OSBPL3: variants seen among roughly 807,000 people sequenced by gnomAD.
OSBPL3 encodes oxysterol-binding protein-related protein 3.
A neutral mutation model predicts 120.1 loss-of-function variants in OSBPL3; 65 were observed. The observed-to-expected ratio is 0.54, with a 90% CI of 0.44 to 0.67. The LOEUF is 0.67. Ranked by LOEUF, OSBPL3 falls within the 30% of genes least tolerant of loss-of-function variation. The pLI, the probability that OSBPL3 is intolerant of heterozygous loss-of-function variation, is 0.00. For synonymous variants in OSBPL3, 416 were observed against 402.6 expected (o/e 1.03, Z -0.40); for missense variants, 1,004 against 1,082.1 (o/e 0.93, Z 1.01).
intron 1 of OSBPL3, among the ~76,000 whole-genome samples, chr7:24,979,289 C>CAAA (rs34525401): frequency 1.8e-3 from 270 of 148,172 alleles, no homozygotes; most frequent in African/African-American, 5.9e-3. Flanking sequence ...TGGAAACTAA[C>CAAA]AAAAAAAAAA....
chr7:24,866,328 T>G lies in OSBPL3; in HGVS notation c.382-91A>C, dbSNP rs191260919. The G allele has an allele frequency of 2.7e-4, 260 of 965,106 alleles. No individual in the cohort carries two copies. The African/African-American group carries it at 4.1e-3, about 15-fold the overall frequency. The allele number at this position is 965,106 out of a possible 1,614,324, so 59.8% of individuals were successfully genotyped here. ...CAAATTGAGGCCACTCTCAAAATCC[T>G]CTTTTTCAGTTGGCACGTAATTTCA... On this transcript the variant is annotated intron_variant, in intron 5 of 22. Coordinates refer to ENST00000313367, the MANE Select transcript of OSBPL3 (RefSeq NM_015550.4).
chr7:24,916,554 T>C lies in OSBPL3; in HGVS notation c.-149-23933A>G, dbSNP rs757155. ...GTTCACCTGATCTGTGTTTCTCTTATTTCCCCCAACACTCCCCAACCTCAG... is the reference window on the plus strand; with the variant it reads ...GTTCACCTGATCTGTGTTTCTCTTACTTCCCCCAACACTCCCCAACCTCAG... On this transcript the variant is annotated intron_variant, in intron 1 of 22. Coordinates refer to ENST00000313367, the MANE Select transcript of OSBPL3 (RefSeq NM_015550.4). The surrounding 1 kb of genome is among the most constrained non-coding windows in gnomAD (Gnocchi z 4.9). Among the ~76,000 whole-genome samples, 33,413 of 151,902 alleles carry C rather than the reference T, an allele frequency of 0.22. 4,019 individuals are homozygous for C. Among genetic ancestry groups the C allele is most frequent in the East Asian group, 0.36 (1,831 of 5,152 alleles).
At position 24,900,319 on chromosome 7, in the gene OSBPL3, T is replaced by C. The variant is rs900832878; in HGVS notation, c.-149-7698A>G. Among the ~76,000 whole-genome samples the C allele has an allele frequency of 7.9e-5, 12 of 152,242 alleles. No homozygotes were observed. Among genetic ancestry groups the C allele is most frequent in the Admixed American group, 7.8e-4 (12 of 15,288 alleles). ...AGCAGGTCCTCGAGTAATGTTGTTTTATTTAACTTTGTTATTTAGAAGTTT... is the reference window on the plus strand; with the variant it reads ...AGCAGGTCCTCGAGTAATGTTGTTTCATTTAACTTTGTTATTTAGAAGTTT... On this transcript the variant is annotated intron_variant, in intron 1 of 22. Coordinates refer to ENST00000313367, the MANE Select transcript of OSBPL3 (RefSeq NM_015550.4). This position sits in a 1 kb window ranked among gnomAD's most constrained non-coding sequence, Gnocchi z 4.5.
intron 14 of OSBPL3, among the ~76,000 whole-genome samples, chr7:24,837,489 C>A (rs1797153741): frequency 6.6e-6 from 1 of 152,168 alleles, no homozygotes; most frequent in Non-Finnish European, 1.5e-5. Flanking sequence ...TAGGTGTGAG[C>A]CACTGTGCCT....
intron 1 of OSBPL3, among the ~76,000 whole-genome samples, chr7:24,924,271 A>C (rs1032293750): frequency 3.3e-5 from 5 of 152,212 alleles, no homozygotes; most frequent in African/African-American, 1.2e-4. Flanking sequence ...CCACAAGAAA[A>C]TACCGAGGGA....
intron 1 of OSBPL3, among the ~76,000 whole-genome samples, chr7:24,911,165 A>G (rs1288080809): frequency 3.9e-5 from 6 of 152,340 alleles, no homozygotes; most frequent in Middle Eastern, 3.4e-3. Flanking sequence ...CATCCAATTT[A>G]TACCAAATTG....
chr7:24,831,483 G>C lies in OSBPL3; in HGVS notation c.1747-578C>G, dbSNP rs570503932. Among the ~76,000 whole-genome samples, 2 of 150,726 alleles carry C rather than the reference G, an allele frequency of 1.3e-5. No homozygotes were observed. Among genetic ancestry groups the C allele is most frequent in the Non-Finnish European group, 3.0e-5 (2 of 67,134 alleles). On this transcript the variant is annotated intron_variant, in intron 15 of 22. Transcript: ENST00000313367. This position sits in a 1 kb window ranked among gnomAD's most constrained non-coding sequence, Gnocchi z 4.0. ...AAGTTCTGCTTTTTTGGGAGGAAAA[G>C]TGAAACATCCAAAAAAAAAATTAAA...
At chr7:24,816,172 G>C (rs1040764187) in intron 18 of OSBPL3, among the ~76,000 whole-genome samples, 1 of 152,028 alleles carries the variant, frequency 6.6e-6, no homozygotes, top group African/African-American at 2.4e-5. Context: ...CTACAGGTGC[G>C]TGCCACCACT....
In OSBPL3 at chr7:24,863,583, A is replaced by G; in HGVS notation, c.690T>C (p.His230=). Residue 230 remains histidine (H), a synonymous_variant, in exon 8 of 23, where the codon CAT becomes CAC. Transcript: ENST00000313367. The surrounding 1 kb of genome is among the most constrained non-coding windows in gnomAD (Gnocchi z 5.8). The part of the protein sequence containing the change: ...EKCSKDLAHC[H]AYLVEMSQLL... ...GCTGGCTCATTTCTACCAGGTAGGC[A>G]TGACAGTGCGCCAGGTCTGTGGGGG... 6.2e-7 allele frequency: 1 copy of G among 1,613,592 alleles called. No homozygotes were observed. Among genetic ancestry groups the G allele is most frequent in the Non-Finnish European group, 8.5e-7 (1 of 1,179,478 alleles).
At chr7:24,909,522 G>A (rs1271283214) in intron 1 of OSBPL3, among the ~76,000 whole-genome samples, 1 of 152,174 alleles carries the variant, frequency 6.6e-6, no homozygotes, top group African/African-American at 2.4e-5. Flanking sequence ...TTACATGAGA[G>A]AGAAATAAAC....
rs566562289 is a variant in OSBPL3 at position 24,834,262 on chromosome 7, C to T, written c.1746+224G>A. On this transcript the variant is annotated intron_variant, in intron 15 of 22. Coordinates refer to ENST00000313367, the MANE Select transcript of OSBPL3 (RefSeq NM_015550.4). This position sits in a 1 kb window ranked among gnomAD's most constrained non-coding sequence, Gnocchi z 5.2. The stretch of plus-strand genomic sequence containing the variant: ...CACAGAACAGAACTACCCCAGGCAC[C>T]AAGTGCCACGGAGAAGCACCCCAAC... 7.4e-7 allele frequency: 1 copy of T among 1,353,878 alleles called. No homozygotes were observed. The highest frequency in any genetic ancestry group is 3.0e-5 in the East Asian group (1 of 32,938). 83.9% of individuals were successfully genotyped at this position (1,353,878 alleles called of 1,614,324 possible).
chr7:24,909,783 CTTTTTTTT>C (rs10591188), intron 1 of OSBPL3, among the ~76,000 whole-genome samples: 1,072 of 77,308 alleles, frequency 0.014, 17 homozygotes, highest in African/African-American at 0.051. Flanking sequence ...TTTTTTCTTT[CTTTTTTTT>C]TTTTTTTTTT....
In OSBPL3 at chr7:24,854,842, T is replaced by C. The variant is rs1799637398; in HGVS notation, c.1028-2208A>G. Among the ~76,000 whole-genome samples the C allele has an allele frequency of 1.3e-5, 2 of 152,136 alleles. No homozygotes were observed. The highest frequency in any genetic ancestry group is 4.1e-4 in the South Asian group (2 of 4,824). The stretch of plus-strand genomic sequence containing the variant: ...TTACTTTAAATGGTTGTCATGAGGA[T>C]TGAATGAGAGAGGGAATGCAGGTAA... On this transcript the variant is annotated intron_variant, in intron 10 of 22. Transcript: ENST00000313367. The surrounding 1 kb of genome is among the most constrained non-coding windows in gnomAD (Gnocchi z 4.1).
intron 5 of OSBPL3, among the ~76,000 whole-genome samples, chr7:24,869,338 T>C (rs1490719079): frequency 6.6e-6 from 1 of 152,202 alleles, no homozygotes; most frequent in African/African-American, 2.4e-5. Context: ...AGAACTAAGA[T>C]TCATTGGAAG....
At chr7:24,892,801 G>A (rs561048267) in intron 1 of OSBPL3, among the ~76,000 whole-genome samples, 180 bp from the exon 2 acceptor site, 2 of 152,222 alleles carry the variant, frequency 1.3e-5, no homozygotes, top group East Asian at 3.9e-4. Flanking sequence ...TTTTGTATAG[G>A]TGGTTTTTCA....
intron 6 of OSBPL3, among the ~76,000 whole-genome samples, chr7:24,865,669 G>A (rs1401249501): frequency 2.0e-5 from 3 of 152,184 alleles, no homozygotes; most frequent in Non-Finnish European, 4.4e-5. Context: ...GCCTTGAATG[G>A]TGGACCTAAT....
chr7:24,926,643 A>G (rs1811086874), intron 1 of OSBPL3, among the ~76,000 whole-genome samples: 1 of 152,224 alleles, frequency 6.6e-6, no homozygotes, highest in Non-Finnish European at 1.5e-5. Context: ...TGGCCACTGT[A>G]TAAGGTCGCA....
At chr7:24,920,763 C>T (rs11514755) in intron 1 of OSBPL3, among the ~76,000 whole-genome samples, 274 of 152,208 alleles carry the variant, frequency 1.8e-3, no homozygotes, top group Non-Finnish European at 2.9e-3. Context: ...CCTGTGATTT[C>T]GGATCAGCCT....
Position 24,852,750 on chromosome 7 carries a change from G to A in OSBPL3, c.1028-116C>T. On this transcript the variant is annotated intron_variant, in intron 10 of 22. Transcript: ENST00000313367. This position sits in a 1 kb window ranked among gnomAD's most constrained non-coding sequence, Gnocchi z 4.1. ...GCAAAGTAACAGCCCTGAATATTTTGAGTATAGCAAATGTACATTCTACCT... is the reference window on the plus strand; with the variant it reads ...GCAAAGTAACAGCCCTGAATATTTTAAGTATAGCAAATGTACATTCTACCT... The A allele has an allele frequency of 1.5e-6, 1 of 672,840 alleles. No individual in the cohort carries two copies. The highest frequency in any genetic ancestry group is 2.4e-6 in the Non-Finnish European group (1 of 424,718). 41.7% of individuals were successfully genotyped at this position (672,840 alleles called of 1,614,324 possible). A position where few individuals can be genotyped will look rare whatever the true frequency, so the allele number is the denominator to read the frequency against.
Sources: gnomAD v4.1 joint callset for allele counts (sites outside exome capture counted in the v4.1 genomes callset) on GRCh38, gnomAD v4.1.1 for gene constraint, Gnocchi (gnomAD v3.1) non-coding constraint, MANE v1.5 for transcripts, NCBI Gene and HGNC (gene_info 2026-07-23, HGNC 2026-07-21) for gene names.